Variants in IL1RAPL2 observed in about 807,000 individuals in gnomAD.
The protein encoded by IL1RAPL2 is X-linked interleukin-1 receptor accessory protein-like 2.
Under a neutral mutation model 44.1 loss-of-function variants are expected in IL1RAPL2, and 3 were observed. The observed-to-expected ratio is 0.07, with a 90% CI of 0.03 to 0.18. The LOEUF (loss-of-function observed/expected upper bound fraction) is 0.18. IL1RAPL2 is among the 10% of genes least tolerant of loss of function. The pLI is 1.00. For synonymous variants in IL1RAPL2, 181 were observed against 178.8 expected (o/e 1.01, Z -0.10); for missense variants, 391 against 496.4 (o/e 0.79, Z 2.02).
chrX:104,915,832 C>T (rs1228308135), intron 2 of IL1RAPL2, among the ~76,000 whole-genome samples: 37 of 111,383 alleles, frequency 3.3e-4, no homozygotes, highest in South Asian at 1.1e-3. Flanking sequence ...GGGAATCCTT[C>T]CCCCATTGCT....
intron 2 of IL1RAPL2, among the ~76,000 whole-genome samples, chrX:105,037,750 T>C (rs1275687273): frequency 8.9e-6 from 1 of 111,936 alleles, no homozygotes; most frequent in Non-Finnish European, 1.9e-5. Flanking sequence ...CTGCTCTCTC[T>C]TCTATTAAAT....
At chrX:105,357,305 A>C (rs1245001307) in intron 5 of IL1RAPL2, among the ~76,000 whole-genome samples, 1 of 112,017 alleles carries the variant, frequency 8.9e-6, no homozygotes, top group East Asian at 2.8e-4. Context: ...CGTAGAGGGT[A>C]GTTATCATTG....
At chrX:104,664,218 C>A (rs73635153) in intron 2 of IL1RAPL2, among the ~76,000 whole-genome samples, 384 of 111,255 alleles carry the variant, frequency 3.5e-3, no homozygotes, top group African/African-American at 0.012. Context: ...GTGGTCGTTC[C>A]GCAATGATAA....
chrX:105,120,108 ACTGATG>A (rs1300329593), intron 2 of IL1RAPL2, among the ~76,000 whole-genome samples: 15 of 109,065 alleles, frequency 1.4e-4, no homozygotes, highest in African/African-American at 4.7e-4. Context: ...TTGATGCTCT[ACTGATG>A]ATTCTGACAC....
chrX:105,369,425 T>C (rs1400155269), intron 5 of IL1RAPL2, among the ~76,000 whole-genome samples: 1 of 111,167 alleles, frequency 9.0e-6, no homozygotes, highest in Non-Finnish European at 1.9e-5. Flanking sequence ...AGTCATGTTA[T>C]TGCCTTGAGT....
intron 5 of IL1RAPL2, among the ~76,000 whole-genome samples, chrX:105,334,261 C>A (rs1884293835): frequency 9.0e-6 from 1 of 111,563 alleles, no homozygotes; most frequent in African/African-American, 3.3e-5. Context: ...AAGCCAGGCA[C>A]AAAAAGACAG....
intron 2 of IL1RAPL2, among the ~76,000 whole-genome samples, chrX:104,962,164 T>C (rs898805867): frequency 2.7e-5 from 3 of 111,939 alleles, no homozygotes; most frequent in African/African-American, 6.5e-5. Flanking sequence ...TAATTCACTA[T>C]TGGGCAATCA....
At chrX:105,692,621 G>T (rs933521985) in intron 6 of IL1RAPL2, among the ~76,000 whole-genome samples, 2 of 107,409 alleles carry the variant, frequency 1.9e-5, no homozygotes, top group Non-Finnish European at 3.8e-5. Flanking sequence ...ACAAAAGCTA[G>T]AATTAAATGA....
chrX:104,674,411 G>A lies in IL1RAPL2; in HGVS notation c.82+15416G>A, dbSNP rs914784402. 1.9e-4 allele frequency among the ~76,000 whole-genome samples: 21 copies of A among 111,858 alleles called. No individual in the cohort carries two copies. The South Asian group carries it at 2.6e-3, about 14-fold the overall frequency. ...TATGCTAGATTATTTATTGATTTGC[G>A]TATATTGAACCAGCCTTGCATCCCA... On this transcript the variant is annotated intron_variant, in intron 2 of 10. Transcript: ENST00000372582.
chrX:105,492,473 ATGT>A (rs200918883), intron 6 of IL1RAPL2, among the ~76,000 whole-genome samples: 1,213 of 110,472 alleles, frequency 0.011, 13 homozygotes, highest in African/African-American at 0.038. Context: ...ACAAATAATA[ATGT>A]TATTACTCTA....
chrX:104,668,894 A>G (rs1430547842), intron 2 of IL1RAPL2, among the ~76,000 whole-genome samples: 1 of 110,561 alleles, frequency 9.0e-6, no homozygotes, highest in Non-Finnish European at 1.9e-5. Flanking sequence ...CACCCCCACA[A>G]CCACGATTCT....
chrX:105,033,802 T>A (rs558751729), intron 2 of IL1RAPL2, among the ~76,000 whole-genome samples: 6 of 111,689 alleles, frequency 5.4e-5, no homozygotes, highest in Admixed American at 1.9e-4. Context: ...TCTCCTGGAT[T>A]ATATCCTGCA....
At chrX:105,110,721 G>A (rs772619116) in intron 2 of IL1RAPL2, among the ~76,000 whole-genome samples, 37 of 111,266 alleles carry the variant, frequency 3.3e-4, no homozygotes, top group African/African-American at 1.2e-3. Context: ...GGGCGGGCAC[G>A]AGGTCAGGAG....
At chrX:104,803,938 G>A (rs1932902806) in intron 2 of IL1RAPL2, 1 of 112,473 alleles carries the variant, frequency 8.9e-6, no homozygotes. Flanking sequence ...CGCTGCAAGA[G>A]TAAAAGGTGG....
chrX:105,447,740 T>G, intron 5 of IL1RAPL2, among the ~76,000 whole-genome samples: 1 of 85,425 alleles, frequency 1.2e-5, no homozygotes, highest in East Asian at 3.6e-4. Context: ...TGTATATAAA[T>G]ATGTTATACA....
At chrX:105,740,506 A>T (rs771667735) in intron 7 of IL1RAPL2, 40 bp from the exon 8 acceptor site, 7 of 1,192,587 alleles carry the variant, frequency 5.9e-6, no homozygotes, top group African/African-American at 3.5e-5. Flanking sequence ...TTTCTCCCCA[A>T]ATCAAGCCAA....
chrX:105,692,484 A>G (rs369230560), intron 6 of IL1RAPL2, among the ~76,000 whole-genome samples: 1 of 111,812 alleles, frequency 8.9e-6, no homozygotes. Flanking sequence ...GAGGAACATT[A>G]TAGCCCAGGT....
At chrX:104,829,872 G>A (rs1052812655) in intron 2 of IL1RAPL2, among the ~76,000 whole-genome samples, 2 of 111,990 alleles carry the variant, frequency 1.8e-5, no homozygotes, top group African/African-American at 6.5e-5. Flanking sequence ...ATAGCGTTCT[G>A]TTAAATGCTT....
intron 2 of IL1RAPL2, among the ~76,000 whole-genome samples, chrX:104,874,288 C>CTT (rs1439179968): frequency 9.5e-6 from 1 of 105,129 alleles, no homozygotes; most frequent in African/African-American, 3.5e-5. Context: ...TCCTCTCTCT[C>CTT]TCTCTCTCTC....
Sources: gnomAD v4.1 joint callset for allele counts (sites outside exome capture counted in the v4.1 genomes callset) on GRCh38, gnomAD v4.1.1 for gene constraint, MANE v1.5 for transcripts, NCBI Gene and HGNC (gene_info 2026-07-23, HGNC 2026-07-21) for gene names.